RELA: variants seen among roughly 807,000 people sequenced by gnomAD.
RELA encodes the protein transcription factor p65.
Under a neutral mutation model 56.7 loss-of-function variants are expected in RELA, and 14 were observed. The ratio of observed to expected loss-of-function variants is 0.25; its 90% CI spans 0.16 to 0.39. RELA has a LOEUF of 0.39. RELA is among the 10% of genes least tolerant of loss of function. The pLI, the probability that RELA is intolerant of heterozygous loss-of-function variation, is 1.00. For missense variants in RELA, 559 were observed against 736.4 expected, an observed-to-expected ratio of 0.76 and a Z score of 2.79; for synonymous variants, 315 against 289.7, an observed-to-expected ratio of 1.09 and a Z score of -0.89.
At chr11:65,655,137 C>A in intron 10 of RELA, 137 bp from the exon 11 acceptor site, 1 of 714,908 alleles carries the variant, frequency 1.4e-6, no homozygotes, top group South Asian at 1.8e-5. Context: ...CTATCTCCTT[C>A]CTCTTACCCC....
In RELA at chr11:65,658,843, GA is replaced by G; in HGVS notation, c.560-22del. 6.2e-7 allele frequency: 1 copy of G among 1,607,402 alleles called. No individual in the cohort carries two copies. Among genetic ancestry groups the G allele is most frequent in the South Asian group, 1.1e-5 (1 of 90,932 alleles). Reference sequence around the variant, plus strand: ...GGCACCTGAGGCAGTGAAAACAAGGGAGGATGACCTGAGCCACGAGAGGTCC... The same window carrying G: ...GGCACCTGAGGCAGTGAAAACAAGGGGGATGACCTGAGCCACGAGAGGTCC... On this transcript the variant is annotated intron_variant, in intron 6 of 10. Coordinates refer to ENST00000406246, the MANE Select transcript of RELA (RefSeq NM_021975.4). This position sits in a 1 kb window ranked among gnomAD's most constrained non-coding sequence, Gnocchi z 4.5.
chr11:65,654,290 G>T lies in RELA; in HGVS notation c.*88C>A. On this transcript the variant is annotated 3_prime_UTR_variant, in exon 11 of 11. Transcript: ENST00000406246. ...ACATCCACAAAGTTGGGGGCAGTTG[G>T]AACACACCCCACCAGAATCCGTAAG... is the stretch of plus-strand genomic sequence containing the variant. 1.9e-6 allele frequency: 3 copies of T among 1,563,752 alleles called. No individual in the cohort carries two copies. In the South Asian group the frequency reaches 3.4e-5, roughly 18 times the overall value.
At position 65,655,746 on chromosome 11, in the gene RELA, C is replaced by A; in HGVS notation, c.975G>T (p.Arg325=). ...GCACAGCAATGCGTCGAGGTGGAGG[C>A]CGGGGGTCGGTGGGTCCTGTAGGGC... The part of the protein sequence containing the change: ...KSPFSGPTDP[R]PPPRRIAVPS... The change falls in exon 10 of 11, where the codon CGG becomes CGT. Residue 325 remains arginine, a synonymous_variant. Coordinates refer to ENST00000406246, the MANE Select transcript of RELA (RefSeq NM_021975.4). 2 of 1,613,966 alleles carry A rather than the reference C, an allele frequency of 1.2e-6. No homozygotes were observed. The highest frequency in any genetic ancestry group is 1.7e-6 in the Non-Finnish European group (2 of 1,179,948).
At chr11:65,659,910 G>A (rs1220710235) in intron 5 of RELA, 113 bp from the exon 6 acceptor site, 2 of 1,393,410 alleles carry the variant, frequency 1.4e-6, no homozygotes, top group Non-Finnish European at 1.9e-6. Context: ...TGAAACACAA[G>A]TCCTAGAGGA....
At chr11:65,663,232 TG>T (rs1175240724), upstream of RELA, 2 of 155,196 alleles carry the variant, frequency 1.3e-5, no homozygotes, top group Non-Finnish European at 1.4e-5. Flanking sequence ...GATGTCACTC[TG>T]GGCCGGGTCT....
At chr11:65,657,466 C>A (rs1287822014) in intron 8 of RELA, among the ~76,000 whole-genome samples, 1 of 152,216 alleles carries the variant, frequency 6.6e-6, no homozygotes, top group Admixed American at 6.5e-5. Context: ...CTGCTCCTGT[C>A]ACCTCTCTGC....
At position 65,658,889 on chromosome 11, in the gene RELA, A is replaced by C; in HGVS notation, c.560-67T>G. 1 of 1,316,046 alleles carries C rather than the reference A, an allele frequency of 7.6e-7. No homozygotes were observed. The highest frequency in any genetic ancestry group is 1.1e-6 in the Non-Finnish European group (1 of 909,726). The allele number at this position is 1,316,046 out of a possible 1,614,324, so 81.5% of individuals were successfully genotyped here. A position where few individuals can be genotyped will look rare whatever the true frequency, so the allele number is the denominator to read the frequency against. On this transcript the variant is annotated intron_variant, in intron 6 of 10. Coordinates refer to ENST00000406246, the MANE Select transcript of RELA (RefSeq NM_021975.4). This position sits in a 1 kb window ranked among gnomAD's most constrained non-coding sequence, Gnocchi z 4.5. Reference sequence around the variant, plus strand: ...AGGTCCCCAGGGTGGCCTGCAGGAGATGCAACTTCCCTGCCCAGCCCAGAG... The same window carrying C: ...AGGTCCCCAGGGTGGCCTGCAGGAGCTGCAACTTCCCTGCCCAGCCCAGAG...
chr11:65,656,853 G>A (rs1466712960), intron 8 of RELA, among the ~76,000 whole-genome samples: 6 of 152,100 alleles, frequency 3.9e-5, no homozygotes, highest in African/African-American at 7.2e-5. Flanking sequence ...TGAAAACCCC[G>A]TCTCTACTAA....
Position 65,658,844 on chromosome 11 carries a change from AG to A in RELA, c.560-23del. On this transcript the variant is annotated intron_variant, in intron 6 of 10. Coordinates refer to ENST00000406246, the MANE Select transcript of RELA (RefSeq NM_021975.4). This position sits in a 1 kb window ranked among gnomAD's most constrained non-coding sequence, Gnocchi z 4.5. ...GCACCTGAGGCAGTGAAAACAAGGG[AG>A]GATGACCTGAGCCACGAGAGGTCCC... is the stretch of plus-strand genomic sequence containing the variant. 1.2e-6 allele frequency: 2 copies of A among 1,606,770 alleles called. No homozygotes were observed. The highest frequency in any genetic ancestry group is 1.7e-6 in the Non-Finnish European group (2 of 1,173,448).
Position 65,658,563 on chromosome 11 carries a change from T to C in RELA, c.665-64A>G. 6.9e-7 allele frequency: 1 copy of C among 1,452,624 alleles called. No homozygotes were observed. The highest frequency in any genetic ancestry group is 9.5e-7 in the Non-Finnish European group (1 of 1,050,262). The allele number at this position is 1,452,624 out of a possible 1,614,324, so 90.0% of individuals were successfully genotyped here. A position where few individuals can be genotyped will look rare whatever the true frequency, so the allele number is the denominator to read the frequency against. On this transcript the variant is annotated intron_variant, in intron 7 of 10. Transcript: ENST00000406246. The surrounding 1 kb of genome is among the most constrained non-coding windows in gnomAD (Gnocchi z 4.5). ...AACCCTCCATGGTCTCCCCCTCAACTTCTGATGCTTGTCTTCTGATACATC... is the reference window on the plus strand; with the variant it reads ...AACCCTCCATGGTCTCCCCCTCAACCTCTGATGCTTGTCTTCTGATACATC...
At chr11:65,655,345 C>T in intron 10 of RELA, 2 of 571,750 alleles carry the variant, frequency 3.5e-6, no homozygotes, top group East Asian at 2.9e-5. Flanking sequence ...GAGCAGCGGC[C>T]TGAAGTGCAG....
chr11:65,660,029 G>T, intron 5 of RELA, 95 bp downstream of exon 5: 1 of 1,323,300 alleles, frequency 7.6e-7, no homozygotes, highest in Non-Finnish European at 1.1e-6. Context: ...CAAGATTCCA[G>T]CTTTACTGTG....
intron 6 of RELA, 55 bp downstream of exon 6, chr11:65,659,611 C>A (rs1856512558): frequency 1.2e-6 from 2 of 1,608,210 alleles, no homozygotes; most frequent in Non-Finnish European, 1.7e-6. Context: ...CCCCAACCCC[C>A]TTCCTCCTAT....
At position 65,653,607 on chromosome 11, in the gene RELA, T is replaced by G. The variant is rs2135545184; in HGVS notation, c.*771A>C. ...AAAAAAAGCGGATCTCTAGCCAGCTTGGCAACAGATTTATTAGTTCAGAGT... is the reference window on the plus strand; with the variant it reads ...AAAAAAAGCGGATCTCTAGCCAGCTGGGCAACAGATTTATTAGTTCAGAGT... On this transcript the variant is annotated 3_prime_UTR_variant, in exon 11 of 11. Coordinates refer to ENST00000406246, the MANE Select transcript of RELA (RefSeq NM_021975.4). The G allele has an allele frequency of 6.6e-6, 1 of 152,488 alleles. No homozygotes were observed. Among genetic ancestry groups the G allele is most frequent in the South Asian group, 2.0e-4 (1 of 4,898 alleles). 9.4% of individuals were successfully genotyped at this position (152,488 alleles called of 1,614,324 possible).
rs775930867 is a variant in RELA at position 65,658,396 on chromosome 11, G to T, written c.768C>A (p.Pro256=). ...RQVAIVFRTP[P]YADPSLQAPV... The stretch of plus-strand genomic sequence containing the variant: ...GAGCCTGCAGGCTGGGGTCTGCGTA[G>T]GGAGGGGTCCGGAACACAATGGCCA... Residue 256 remains proline, a synonymous_variant, in exon 8 of 11, where the codon CCC becomes CCA. Coordinates refer to ENST00000406246, the MANE Select transcript of RELA (RefSeq NM_021975.4). The surrounding 1 kb of genome is among the most constrained non-coding windows in gnomAD (Gnocchi z 4.5). 28 of 1,613,916 alleles carry T rather than the reference G, an allele frequency of 1.7e-5. No individual in the cohort carries two copies. Among genetic ancestry groups the T allele is most frequent in the Non-Finnish European group, 2.2e-5 (26 of 1,179,976 alleles).
chr11:65,658,875 G>A lies in RELA; in HGVS notation c.560-53C>T. ...ACCTGAGCCACGAGAGGTCCCCAGG[G>A]TGGCCTGCAGGAGATGCAACTTCCC... On this transcript the variant is annotated intron_variant, in intron 6 of 10. Coordinates refer to ENST00000406246, the MANE Select transcript of RELA (RefSeq NM_021975.4). This position sits in a 1 kb window ranked among gnomAD's most constrained non-coding sequence, Gnocchi z 4.5. 6.7e-7 allele frequency: 1 copy of A among 1,485,970 alleles called. No homozygotes were observed. Among genetic ancestry groups the A allele is most frequent in the South Asian group, 1.1e-5 (1 of 88,570 alleles). 92.0% of individuals were successfully genotyped at this position (1,485,970 alleles called of 1,614,324 possible).
rs1461359004 is a variant in RELA at position 65,659,704 on chromosome 11, C to T, written c.521G>A (p.Arg174His). 6.8e-6 allele frequency: 11 copies of T among 1,613,768 alleles called. No individual in the cohort carries two copies. Among genetic ancestry groups the T allele is most frequent in the South Asian group, 1.1e-5 (1 of 91,090 alleles). ...TVRDPSGRPL[R>H]LPPVLSHPIF... ...GGGATGAGAAAGGACAGGCGGCAGG[C>T]GGAGGGGCCTGCCTGATGGGTCCCG... Residue 174 changes from arginine (R) to histidine (H), a missense_variant, in exon 6 of 11, where the codon CGC (arginine) becomes CAC (histidine). By Grantham distance (29) the Arg-to-His change is conservative. Transcript: ENST00000406246.
rs1012204019 is a variant in RELA at position 65,654,769 on chromosome 11, G to A, written c.1265C>T (p.Ala422Val). 6.6e-7 allele frequency: 1 copy of A among 1,506,842 alleles called. No individual in the cohort carries two copies. Among genetic ancestry groups the A allele is most frequent in the East Asian group, 2.4e-5 (1 of 41,658 alleles). 93.3% of individuals were successfully genotyped at this position (1,506,842 alleles called of 1,614,324 possible). ...VLAPGPPQAV[A>V]PPAPKPTQAG... The stretch of plus-strand genomic sequence containing the variant: ...CTGGGTGGGCTTGGGGGCAGGTGGG[G>A]CCACAGCCTGAGGAGGGCCTGGGGC... Residue 422 changes from alanine to valine, a missense_variant, in exon 11 of 11, where the codon GCC becomes GTC. Coordinates refer to ENST00000406246, the MANE Select transcript of RELA (RefSeq NM_021975.4).
At position 65,655,051 on chromosome 11, in the gene RELA, AC is replaced by A. The variant is rs36069616; in HGVS notation, c.1034-52del. 3 of 1,441,214 alleles carry A rather than the reference AC, an allele frequency of 2.1e-6. No homozygotes were observed. The African/African-American group carries it at 4.2e-5, about 20-fold the overall frequency. 89.3% of individuals were successfully genotyped at this position (1,441,214 alleles called of 1,614,324 possible). A position where few individuals can be genotyped will look rare whatever the true frequency, so the allele number is the denominator to read the frequency against. ...GGGTCAGAGAAAGCCCTAGAGATCC[AC>A]CCCGTCCTCTGTACCCCAGCCCCTC... On this transcript the variant is annotated intron_variant, in intron 10 of 10. Transcript: ENST00000406246.
Sources: allele counts gnomAD v4.1 joint callset (sites outside exome capture counted in the v4.1 genomes callset), GRCh38; gene constraint gnomAD v4.1.1; non-coding constraint Gnocchi (gnomAD v3.1); transcripts MANE v1.5; gene names NCBI Gene and HGNC (gene_info 2026-07-23, HGNC 2026-07-21).